PARD3: variants seen among roughly 807,000 people sequenced by gnomAD.
The protein encoded by PARD3 is par-3 family cell polarity regulator.
In PARD3, 75 loss-of-function variants were observed where a neutral mutation model predicts 155.4. The ratio of observed to expected loss-of-function variants is 0.48; its 90% CI spans 0.40 to 0.58. PARD3 has a LOEUF of 0.58. Among genes scored for constraint, PARD3 ranks in the 20% least tolerant of loss-of-function variants. PARD3 has a pLI of 0.00. For missense variants in PARD3, 1,642 were observed against 1,721.7 expected, an observed-to-expected ratio of 0.95 and a Z score of 0.82; for synonymous variants, 576 against 610.5, an observed-to-expected ratio of 0.94 and a Z score of 0.83.
intron 3 of PARD3, among the ~76,000 whole-genome samples, chr10:34,481,115 A>C (rs936069800): frequency 6.6e-6 from 1 of 152,120 alleles, no homozygotes; most frequent in Non-Finnish European, 1.5e-5. Context: ...GCAGGTTTCT[A>C]ATACAGGTAA....
chr10:34,764,643 A>G (rs1021195135), intron 1 of PARD3, among the ~76,000 whole-genome samples: 1 of 151,886 alleles, frequency 6.6e-6, no homozygotes, highest in South Asian at 2.1e-4. Flanking sequence ...GAAAATTTCC[A>G]TAATGAAACA....
chr10:34,696,970 G>T (rs561677052), intron 1 of PARD3, among the ~76,000 whole-genome samples: 1 of 150,944 alleles, frequency 6.6e-6, no homozygotes, highest in Admixed American at 6.6e-5. Context: ...TGTGTGGCTT[G>T]AGCCTCTTTT....
intron 20 of PARD3, among the ~76,000 whole-genome samples, chr10:34,291,702 G>A (rs748124015): frequency 6.6e-6 from 1 of 152,178 alleles, no homozygotes; most frequent in Non-Finnish European, 1.5e-5. Flanking sequence ...CAAAGACAGT[G>A]ACTCTGTGCT....
At chr10:34,227,881 T>TATAC (rs1554814065) in intron 22 of PARD3, among the ~76,000 whole-genome samples, 1 of 133,738 alleles carries the variant, frequency 7.5e-6, no homozygotes, top group African/African-American at 2.9e-5. Flanking sequence ...TATATATATA[T>TATAC]ATACTGGGAA....
intron 2 of PARD3, among the ~76,000 whole-genome samples, chr10:34,621,151 G>A (rs1034913697): frequency 1.3e-5 from 2 of 152,182 alleles, no homozygotes; most frequent in Non-Finnish European, 1.5e-5. Context: ...ACACATGAAA[G>A]AATCAGTAGT....
At chr10:34,611,015 TA>T (rs569343716) in intron 2 of PARD3, among the ~76,000 whole-genome samples, 1 of 152,150 alleles carries the variant, frequency 6.6e-6, no homozygotes, top group Non-Finnish European at 1.5e-5. Context: ...TTTTCCTTTT[TA>T]AAAAATACCT....
chr10:34,121,636 T>A (rs1947011232), intron 23 of PARD3, among the ~76,000 whole-genome samples: 1 of 152,208 alleles, frequency 6.6e-6, no homozygotes, highest in Admixed American at 6.5e-5. Flanking sequence ...CATCTATTGT[T>A]CTCTTTCTGC....
At chr10:34,407,123 A>G (rs1844563090) in intron 5 of PARD3, among the ~76,000 whole-genome samples, 1 of 152,234 alleles carries the variant, frequency 6.6e-6, no homozygotes, top group Non-Finnish European at 1.5e-5. Flanking sequence ...AAAGACGGGA[A>G]CAGTGGCACA....
At chr10:34,350,633 C>T (rs868067590) in intron 14 of PARD3, among the ~76,000 whole-genome samples, 14 of 40,800 alleles carry the variant, frequency 3.4e-4, no homozygotes, top group Non-Finnish European at 8.6e-4. Flanking sequence ...TCCATCTTGG[C>T]GGGGGGGGAG....
At chr10:34,729,794 C>A (rs138347494) in intron 1 of PARD3, among the ~76,000 whole-genome samples, 2 of 152,272 alleles carry the variant, frequency 1.3e-5, no homozygotes, top group East Asian at 3.9e-4. Flanking sequence ...GAAAAGTAAT[C>A]TGACCATGGT....
At chr10:34,545,524 CA>C (rs2083971870) in intron 2 of PARD3, among the ~76,000 whole-genome samples, 1 of 152,196 alleles carries the variant, frequency 6.6e-6, no homozygotes, top group African/African-American at 2.4e-5. Context: ...CACCCTTAAA[CA>C]TACAGAAGAG....
Position 34,498,445 on chromosome 10 carries a change from T to C in PARD3, c.403+18534A>G, listed in dbSNP as rs141744261. Among the ~76,000 whole-genome samples the C allele has an allele frequency of 5.9e-5, 9 of 152,272 alleles. No individual in the cohort carries two copies. In the East Asian group the frequency reaches 1.7e-3, roughly 29 times the overall value. The stretch of plus-strand genomic sequence containing the variant: ...TCTCATTTCATACATGCCATTTATG[T>C]CACGCTTTATTCCTGCTATGAATAC... On this transcript the variant is annotated intron_variant, in intron 3 of 24. Coordinates refer to ENST00000374788, the MANE Select transcript of PARD3 (RefSeq NM_001184785.2).
At chr10:34,622,296 T>C (rs1395342351) in intron 2 of PARD3, among the ~76,000 whole-genome samples, 2 of 152,242 alleles carry the variant, frequency 1.3e-5, no homozygotes, top group Non-Finnish European at 2.9e-5. Context: ...ATGTATTTGA[T>C]ATAAATATTA....
At chr10:34,407,835 A>G (rs1844651148) in intron 5 of PARD3, among the ~76,000 whole-genome samples, 1 of 95,882 alleles carries the variant, frequency 1.0e-5, no homozygotes, top group African/African-American at 8.2e-5. Flanking sequence ...CCTTATGCCT[A>G]AAAAAAAAAG....
intron 6 of PARD3, among the ~76,000 whole-genome samples, chr10:34,400,561 C>A (rs1481395757): frequency 6.6e-6 from 1 of 152,066 alleles, no homozygotes; most frequent in East Asian, 1.9e-4. Flanking sequence ...CTATTTTAAG[C>A]CAGCTGGAAA....
intron 2 of PARD3, among the ~76,000 whole-genome samples, chr10:34,614,745 A>C (rs1391502523): frequency 6.6e-6 from 1 of 152,226 alleles, no homozygotes; most frequent in African/African-American, 2.4e-5. Flanking sequence ...ATGCATCCTT[A>C]TCTAGACACC....
intron 1 of PARD3, among the ~76,000 whole-genome samples, chr10:34,725,084 A>T (rs989358564): frequency 6.6e-6 from 1 of 151,130 alleles, no homozygotes; most frequent in African/African-American, 2.4e-5. Context: ...AATTGTTAAA[A>T]GGATTGAATG....
chr10:34,255,397 TAGAATTA>T (rs1954604917), intron 22 of PARD3, among the ~76,000 whole-genome samples: 1 of 152,170 alleles, frequency 6.6e-6, no homozygotes, highest in South Asian at 2.1e-4. Flanking sequence ...TAGGTAATAA[TAGAATTA>T]AAAACAAACT....
chr10:34,669,169 T>C (rs1293121728), intron 2 of PARD3, among the ~76,000 whole-genome samples: 1 of 152,114 alleles, frequency 6.6e-6, no homozygotes, highest in East Asian at 1.9e-4. Context: ...CATATATGTA[T>C]CTCAGCACTA....
Sources: gnomAD v4.1 joint callset for allele counts (sites outside exome capture counted in the v4.1 genomes callset) on GRCh38, gnomAD v4.1.1 for gene constraint, MANE v1.5 for transcripts, NCBI Gene and HGNC (gene_info 2026-07-23, HGNC 2026-07-21) for gene names.